The following MARCHF1 variants were observed in gnomAD, a reference collection of about 807,000 sequenced individuals.
The protein encoded by MARCHF1 is E3 ubiquitin-protein ligase MARCHF1.
Under a neutral mutation model 54.2 loss-of-function variants are expected in MARCHF1, and 40 were observed. The observed-to-expected ratio is 0.74, with a 90% confidence interval of 0.57 to 0.96. The LOEUF (loss-of-function observed/expected upper bound fraction) is 0.96, where lower values mean the gene tolerates loss of function less well. Among genes scored for constraint, MARCHF1 ranks in the 40% least tolerant of loss-of-function variants. The pLI is 0.00. For synonymous variants in MARCHF1, 236 were observed against 236.3 expected, an observed-to-expected ratio of 1.00 and a Z score of 0.01; for missense variants, 586 against 656.5, an observed-to-expected ratio of 0.89 and a Z score of 1.17.
At chr4:164,261,268 T>G (rs1190072853) in intron 1 of MARCHF1, among the ~76,000 whole-genome samples, 1 of 152,132 alleles carries the variant, frequency 6.6e-6, no homozygotes, top group Non-Finnish European at 1.5e-5. Context: ...GGTACTTTAT[T>G]ACAGGAGCCC....
At chr4:163,754,620 T>C (rs1746612944) in intron 4 of MARCHF1, among the ~76,000 whole-genome samples, 2 of 152,326 alleles carry the variant, frequency 1.3e-5, no homozygotes, top group South Asian at 4.1e-4. Flanking sequence ...AATCTTTTTT[T>C]GCACCATCCA....
chr4:163,811,536 A>T (rs1748388185), intron 4 of MARCHF1, among the ~76,000 whole-genome samples: 1 of 152,120 alleles, frequency 6.6e-6, no homozygotes, highest in East Asian at 1.9e-4. Flanking sequence ...GGAAAGAAAA[A>T]GACCAAAATA....
intron 1 of MARCHF1, among the ~76,000 whole-genome samples, chr4:164,288,653 AG>A (rs1199173825): frequency 6.6e-6 from 1 of 152,138 alleles, no homozygotes; most frequent in African/African-American, 2.4e-5. Context: ...AATAAATAAT[AG>A]ATTTCCCTCA....
intron 1 of MARCHF1, among the ~76,000 whole-genome samples, chr4:164,249,553 G>GA (rs770101618): frequency 4.6e-5 from 7 of 151,936 alleles, no homozygotes; most frequent in Non-Finnish European, 1.5e-5. Context: ...ATTGTAAATT[G>GA]AATTTTATTT....
intron 3 of MARCHF1, among the ~76,000 whole-genome samples, chr4:163,903,747 A>T (rs1750992843): frequency 6.6e-6 from 1 of 151,916 alleles, no homozygotes. Flanking sequence ...AGTAGCTTGG[A>T]CTATAAGCAC....
intron 4 of MARCHF1, among the ~76,000 whole-genome samples, chr4:163,723,200 C>T (rs980762968): frequency 1.3e-5 from 2 of 152,150 alleles, no homozygotes; most frequent in Admixed American, 6.5e-5. Context: ...CCTTCAGGAG[C>T]TCTTTTAGGG....
intron 4 of MARCHF1, among the ~76,000 whole-genome samples, chr4:163,768,330 G>C (rs28572051): frequency 0.48 from 73,241 of 151,984 alleles, 17,707 homozygotes; most frequent in Admixed American, 0.51. Context: ...GGCTTACTTC[G>C]TCTCTTGTTG....
intron 1 of MARCHF1, among the ~76,000 whole-genome samples, chr4:164,184,466 TG>T (rs1730914211): frequency 1.3e-5 from 2 of 152,162 alleles, no homozygotes; most frequent in Admixed American, 1.3e-4. Context: ...ACATGTCCAT[TG>T]TTACATACAC....
intron 1 of MARCHF1, among the ~76,000 whole-genome samples, chr4:164,199,681 CAGAGAG>C (rs70952609): frequency 0.014 from 679 of 47,594 alleles, 3 homozygotes; most frequent in African/African-American, 0.021. Flanking sequence ...CACACACACA[CAGAGAG>C]AGAGAGAGAG....
rs1462551365 is a variant in MARCHF1, at chr4:163,525,769, A to G, written c.*2979T>C. On this transcript the variant is annotated 3_prime_UTR_variant, in exon 10 of 10. Transcript: ENST00000514618. The stretch of plus-strand genomic sequence containing the variant: ...CAGGTAAACATGCCTCAAAATTTGC[A>G]TTCCGTAGAGCAGTTTTTCTTTTTG... The G allele has an allele frequency of 6.6e-6, 1 of 152,004 alleles. No homozygotes were observed. The highest frequency in any genetic ancestry group is 6.6e-5 in the Admixed American group (1 of 15,224). The allele number at this position is 152,004 out of a possible 1,614,324, so 9.4% of individuals were successfully genotyped here. A position where few individuals can be genotyped will look rare whatever the true frequency, so the allele number is the denominator to read the frequency against.
chr4:163,901,502 G>A (rs1187214364), intron 3 of MARCHF1, among the ~76,000 whole-genome samples: 1 of 152,154 alleles, frequency 6.6e-6, no homozygotes, highest in Admixed American at 6.5e-5. Context: ...CCTAGGGGTA[G>A]GAGCAGCCTT....
At chr4:163,822,181 G>C (rs940133264) in intron 4 of MARCHF1, among the ~76,000 whole-genome samples, 1 of 151,816 alleles carries the variant, frequency 6.6e-6, no homozygotes, top group Non-Finnish European at 1.5e-5. Context: ...TAAGAAAAGA[G>C]ACAAAAGGTT....
intron 1 of MARCHF1, among the ~76,000 whole-genome samples, chr4:164,317,009 G>A (rs1302414982): frequency 2.0e-5 from 3 of 152,112 alleles, no homozygotes; most frequent in Non-Finnish European, 4.4e-5. Context: ...ATAAATTGCC[G>A]AGTCTCAAGT....
intron 1 of MARCHF1, among the ~76,000 whole-genome samples, chr4:164,140,608 G>A (rs1756508703): frequency 6.6e-6 from 1 of 152,140 alleles, no homozygotes; most frequent in East Asian, 1.9e-4. Flanking sequence ...TCAGAGAGAT[G>A]GATTTCAGAC....
At chr4:163,694,851 G>A (rs1744570732) in intron 5 of MARCHF1, among the ~76,000 whole-genome samples, 1 of 152,074 alleles carries the variant, frequency 6.6e-6, no homozygotes, top group East Asian at 1.9e-4. Flanking sequence ...GACATAAGAA[G>A]GTCTCAGACT....
At chr4:164,093,299 G>A (rs1478489316) in intron 2 of MARCHF1, among the ~76,000 whole-genome samples, 1 of 152,020 alleles carries the variant, frequency 6.6e-6, no homozygotes, top group South Asian at 2.1e-4. Flanking sequence ...GGGACTGATG[G>A]AACATTTTTC....
At chr4:163,940,458 C>G (rs4563455) in intron 3 of MARCHF1, among the ~76,000 whole-genome samples, 1 of 152,008 alleles carries the variant, frequency 6.6e-6, no homozygotes, top group Non-Finnish European at 1.5e-5. Context: ...TAAATATGTA[C>G]GCATATGGTA....
chr4:163,792,662 C>T (rs554543857), intron 4 of MARCHF1, among the ~76,000 whole-genome samples: 1 of 152,284 alleles, frequency 6.6e-6, no homozygotes, highest in African/African-American at 2.4e-5. Flanking sequence ...AAGAGTAAAA[C>T]ATAATCAGTC....
intron 3 of MARCHF1, among the ~76,000 whole-genome samples, chr4:163,975,455 A>G (rs1481000638): frequency 6.6e-6 from 1 of 152,132 alleles, no homozygotes; most frequent in Non-Finnish European, 1.5e-5. Context: ...ATTTAGATAA[A>G]CTATAAGGCA....
Sources: gnomAD v4.1 joint callset for allele counts (sites outside exome capture counted in the v4.1 genomes callset) on GRCh38, gnomAD v4.1.1 for gene constraint, MANE v1.5 for transcripts, NCBI Gene and HGNC (gene_info 2026-07-23, HGNC 2026-07-21) for gene names.